The following DLGAP2 variants were observed in gnomAD, a reference collection of about 807,000 sequenced individuals.
The protein encoded by DLGAP2 is DLG associated protein 2.
In DLGAP2, 26 loss-of-function variants were observed where a neutral mutation model predicts 100.3. The observed-to-expected ratio is 0.26, with a 90% CI of 0.19 to 0.36. DLGAP2 has a LOEUF of 0.36. Among genes scored for constraint, DLGAP2 ranks in the 10% least tolerant of loss-of-function variants. The pLI, the probability that DLGAP2 is intolerant of heterozygous loss-of-function variation, is 1.00. For missense variants in DLGAP2, 1,858 were observed against 1,453.2 expected (o/e 1.28, Z -4.53); for synonymous variants, 886 against 630.1 (o/e 1.41, Z -6.08).
intron 1 of DLGAP2, chr8:753,888 C>G (rs555601661): frequency 4.9e-4 from 74 of 152,328 alleles, no homozygotes; most frequent in African/African-American, 1.7e-3. Flanking sequence ...GTCCGGGCGG[C>G]GCGGTGCGGC....
intron 3 of DLGAP2, among the ~76,000 whole-genome samples, chr8:1,272,505 A>T (rs138382952): frequency 0.011 from 1,638 of 152,178 alleles, 20 homozygotes; most frequent in South Asian, 0.057. Flanking sequence ...TTTTATATAG[A>T]ATATATATTC....
At chr8:1,252,279 AC>A (rs763328659) in intron 2 of DLGAP2, among the ~76,000 whole-genome samples, 49 of 144,210 alleles carry the variant, frequency 3.4e-4, no homozygotes, top group Non-Finnish European at 6.8e-4. Flanking sequence ...ACGTCATGTC[AC>A]ACTTGTCACA....
intron 3 of DLGAP2, among the ~76,000 whole-genome samples, chr8:1,439,385 C>T (rs527487259): frequency 4.6e-5 from 7 of 152,274 alleles, no homozygotes; most frequent in Non-Finnish European, 8.8e-5. Context: ...ACGGTCCTGC[C>T]GTGTACCCTG....
intron 3 of DLGAP2, among the ~76,000 whole-genome samples, chr8:1,338,620 T>C (rs926354016): frequency 2.6e-5 from 4 of 152,326 alleles, no homozygotes; most frequent in African/African-American, 7.2e-5. Context: ...AAAGAGTAAA[T>C]TTTATATCTT....
intron 8 of DLGAP2, among the ~76,000 whole-genome samples, chr8:1,655,464 G>T (rs1798262189): frequency 6.6e-6 from 1 of 152,146 alleles, no homozygotes; most frequent in Non-Finnish European, 1.5e-5. Context: ...CCATTCAAGG[G>T]ATATTTTATC....
At chr8:1,418,678 T>C (rs1193857851) in intron 3 of DLGAP2, among the ~76,000 whole-genome samples, 6 of 152,118 alleles carry the variant, frequency 3.9e-5, no homozygotes, top group Non-Finnish European at 8.8e-5. Context: ...CTCACGCCAA[T>C]ACTTCTGGCC....
chr8:1,004,936 A>T (rs938667592), intron 2 of DLGAP2, among the ~76,000 whole-genome samples: 10 of 152,320 alleles, frequency 6.6e-5, no homozygotes, highest in African/African-American at 2.4e-4. Context: ...CCATGCAGGA[A>T]GGCTGCGTGG....
At chr8:1,159,502 A>C (rs1432614962) in intron 2 of DLGAP2, among the ~76,000 whole-genome samples, 1 of 152,210 alleles carries the variant, frequency 6.6e-6, no homozygotes, top group Non-Finnish European at 1.5e-5. Flanking sequence ...CACTTGGTTT[A>C]TGGAGACACT....
intron 1 of DLGAP2, among the ~76,000 whole-genome samples, chr8:756,566 A>G (rs1251070337): frequency 6.6e-6 from 1 of 152,108 alleles, no homozygotes; most frequent in Non-Finnish European, 1.5e-5. Context: ...TTTCATATTC[A>G]TATGCAGCCT....
At chr8:1,671,021 AT>A (rs895983874) in intron 10 of DLGAP2, among the ~76,000 whole-genome samples, 10 of 152,326 alleles carry the variant, frequency 6.6e-5, no homozygotes, top group Admixed American at 6.5e-4. Context: ...GCCAGGCACC[AT>A]TTAATCCTTA....
At chr8:1,245,886 G>A (rs367571515) in intron 2 of DLGAP2, among the ~76,000 whole-genome samples, 6 of 152,308 alleles carry the variant, frequency 3.9e-5, no homozygotes, top group Middle Eastern at 3.4e-3. Context: ...GGTCGAGCAC[G>A]AAGGGTGGGT....
In DLGAP2 at chr8:841,605, A is replaced by G. The variant is rs369738653; in HGVS notation, c.19-66307A>G. Among the ~76,000 whole-genome samples the G allele has an allele frequency of 3.0e-4, 45 of 152,098 alleles. 1 individual carries two copies. In the South Asian group the frequency reaches 8.7e-3, roughly 30 times the overall value. On this transcript the variant is annotated intron_variant, in intron 1 of 14. Coordinates refer to ENST00000637795, the MANE Select transcript of DLGAP2 (RefSeq NM_001346810.2). ...TTTTTTTTTGAGATGAGGTCTTGCT[A>G]TATTGCCCAGGGTGGAGTGCAGTGG...
intron 8 of DLGAP2, among the ~76,000 whole-genome samples, chr8:1,655,651 A>T (rs866940957): frequency 2.0e-5 from 3 of 152,222 alleles, no homozygotes; most frequent in Non-Finnish European, 2.9e-5. Flanking sequence ...CCTCAAAGCC[A>T]TGTGAAGTGT....
chr8:1,466,037 A>C (rs2130177752), intron 3 of DLGAP2, among the ~76,000 whole-genome samples: 1 of 152,278 alleles, frequency 6.6e-6, no homozygotes, highest in Non-Finnish European at 1.5e-5. Flanking sequence ...ACCGTGGGCG[A>C]AAGCCGGTTG....
intron 3 of DLGAP2, among the ~76,000 whole-genome samples, chr8:1,428,975 C>T (rs1188199501): frequency 3.9e-5 from 6 of 152,204 alleles, no homozygotes; most frequent in Admixed American, 1.3e-4. Context: ...AAAAGATCAA[C>T]TTAGGCACAT....
intron 3 of DLGAP2, among the ~76,000 whole-genome samples, chr8:1,457,895 C>T (rs2130139133): frequency 6.7e-6 from 1 of 148,960 alleles, no homozygotes; most frequent in African/African-American, 2.5e-5. Flanking sequence ...CACATTTCTG[C>T]AGCTCATGAA....
intron 2 of DLGAP2, among the ~76,000 whole-genome samples, chr8:1,246,439 G>C (rs1483144661): frequency 6.6e-6 from 1 of 152,210 alleles, no homozygotes; most frequent in Non-Finnish European, 1.5e-5. Context: ...TGAGAGCACA[G>C]GGACCTTCTC....
chr8:1,601,945 G>GGTGTGTGTGTGTGTGTGTGTGT (rs55762722), intron 6 of DLGAP2, among the ~76,000 whole-genome samples: 5 of 146,454 alleles, frequency 3.4e-5, no homozygotes, highest in Non-Finnish European at 6.0e-5. Flanking sequence ...AATTTAACAG[G>GGTGTGTGTGTGTGTGTGTGTGT]GTGTGTGTGT....
At chr8:972,276 A>G (rs1179506403) in intron 2 of DLGAP2, among the ~76,000 whole-genome samples, 2 of 152,232 alleles carry the variant, frequency 1.3e-5, no homozygotes, top group African/African-American at 4.8e-5. Context: ...GCATGCGGAA[A>G]GGAAGAAATG....
Sources: gnomAD v4.1 joint callset for allele counts (sites outside exome capture counted in the v4.1 genomes callset) on GRCh38, gnomAD v4.1.1 for gene constraint, MANE v1.5 for transcripts, NCBI Gene and HGNC (gene_info 2026-07-23, HGNC 2026-07-21) for gene names.